The following CAMKMT variants were observed in gnomAD, a reference collection of about 807,000 sequenced individuals.
The protein encoded by CAMKMT is calmodulin-lysine N-methyltransferase, also known as CaM KMT.
In CAMKMT, 53 loss-of-function variants were observed where a neutral mutation model predicts 48.0. The observed-to-expected ratio is 1.10, with a 90% CI of 0.89 to 1.39. The LOEUF (loss-of-function observed/expected upper bound fraction) is 1.39. Among genes scored for constraint, CAMKMT ranks in the 40% most tolerant of loss-of-function variants. The pLI is 0.00. For missense variants in CAMKMT, 428 were observed against 402.7 expected (o/e 1.06, Z -0.54); for synonymous variants, 165 against 152.3 (o/e 1.08, Z -0.61).
intron 4 of CAMKMT, among the ~76,000 whole-genome samples, chr2:44,705,098 T>TA (rs780577049): frequency 2.6e-5 from 4 of 152,202 alleles, no homozygotes; most frequent in Non-Finnish European, 5.9e-5. Context: ...TCATAGCGTG[T>TA]GTTTTAACCG....
chr2:44,498,048 G>A (rs1009633026), intron 3 of CAMKMT, among the ~76,000 whole-genome samples: 8 of 152,134 alleles, frequency 5.3e-5, no homozygotes, highest in African/African-American at 1.9e-4. Flanking sequence ...TAGGATATAA[G>A]CATTTTGTAC....
At chr2:44,583,904 A>T (rs563216117) in intron 3 of CAMKMT, among the ~76,000 whole-genome samples, 2 of 152,222 alleles carry the variant, frequency 1.3e-5, no homozygotes, top group South Asian at 4.1e-4. Flanking sequence ...ACAAATATCC[A>T]TATGTGAGTG....
chr2:44,648,164 A>G (rs865806870), intron 3 of CAMKMT, among the ~76,000 whole-genome samples: 1 of 152,118 alleles, frequency 6.6e-6, no homozygotes, highest in African/African-American at 2.4e-5. Flanking sequence ...TATGTATAGT[A>G]TAATGCCATG....
chr2:44,761,867 T>C (rs1432978839), intron 9 of CAMKMT, among the ~76,000 whole-genome samples: 1 of 152,224 alleles, frequency 6.6e-6, no homozygotes, highest in Non-Finnish European at 1.5e-5. Context: ...TTGAGTTTTA[T>C]TTTGGACAAA....
chr2:44,616,281 T>G (rs983193663), intron 3 of CAMKMT, among the ~76,000 whole-genome samples: 3 of 152,200 alleles, frequency 2.0e-5, no homozygotes, highest in Non-Finnish European at 4.4e-5. Context: ...CATTCCCTGT[T>G]GCAATGTATT....
At chr2:44,761,689 G>A (rs766293846) in intron 9 of CAMKMT, among the ~76,000 whole-genome samples, 1 of 152,148 alleles carries the variant, frequency 6.6e-6, no homozygotes, top group Non-Finnish European at 1.5e-5. Context: ...AGGTCTTGAA[G>A]GGCAATGCCA....
chr2:44,550,511 T>C (rs1572775168), intron 3 of CAMKMT: 1 of 152,220 alleles, frequency 6.6e-6, no homozygotes, highest in East Asian at 1.9e-4. Flanking sequence ...ATTAAATCAA[T>C]TTAATTTCTA....
chr2:44,570,392 A>G (rs1279226440), intron 3 of CAMKMT, among the ~76,000 whole-genome samples: 1 of 152,270 alleles, frequency 6.6e-6, no homozygotes, highest in South Asian at 2.1e-4. Context: ...TGACTGAACT[A>G]TGATGAAATC....
chr2:44,475,058 A>T (rs1404867270), intron 3 of CAMKMT, among the ~76,000 whole-genome samples: 1 of 152,244 alleles, frequency 6.6e-6, no homozygotes, highest in Non-Finnish European at 1.5e-5. Flanking sequence ...AAAATGATAC[A>T]GTTGAAAAGA....
chr2:44,760,020 C>G (rs1680552328), intron 9 of CAMKMT, among the ~76,000 whole-genome samples: 1 of 152,168 alleles, frequency 6.6e-6, no homozygotes, highest in Admixed American at 6.5e-5. Flanking sequence ...CTGCTTGGCA[C>G]TGACGCCATT....
At chr2:44,581,580 A>G (rs1210251968) in intron 3 of CAMKMT, among the ~76,000 whole-genome samples, 1 of 152,258 alleles carries the variant, frequency 6.6e-6, no homozygotes, top group East Asian at 1.9e-4. Flanking sequence ...TTTTGAGACT[A>G]TTTGAGCTAT....
chr2:44,397,224 G>C (rs1440694452), intron 3 of CAMKMT, among the ~76,000 whole-genome samples: 2 of 152,136 alleles, frequency 1.3e-5, no homozygotes, highest in African/African-American at 4.8e-5. Context: ...GGTTGGGAAA[G>C]TACAAAGAGG....
chr2:44,494,349 A>G (rs1037132508), intron 3 of CAMKMT, among the ~76,000 whole-genome samples: 1 of 152,154 alleles, frequency 6.6e-6, no homozygotes, highest in Non-Finnish European at 1.5e-5. Context: ...TGTGAGTGGT[A>G]TTTTAATATA....
Position 44,715,277 on chromosome 2 carries a change from T to C in CAMKMT, c.557-10T>C, listed in dbSNP as rs773381115. 6.2e-7 allele frequency: 1 copy of C among 1,608,236 alleles called. No homozygotes were observed. Among genetic ancestry groups the C allele is most frequent in the Non-Finnish European group, 8.5e-7 (1 of 1,175,644 alleles). ...ATCAGTGCAGATGTTTTCTTAACTG[T>C]GTCCTGTAGATGTGCAAGACATCAT... On this transcript the variant is annotated splice_polypyrimidine_tract_variant and intron_variant, in intron 6 of 10. Transcript: ENST00000378494.
chr2:44,666,170 G>A (rs1674954386), intron 3 of CAMKMT, among the ~76,000 whole-genome samples: 1 of 152,122 alleles, frequency 6.6e-6, no homozygotes, highest in South Asian at 2.1e-4. Flanking sequence ...CTTAAGCATA[G>A]ATAAGGAAAA....
chr2:44,439,070 A>G (rs1178463872), intron 3 of CAMKMT, among the ~76,000 whole-genome samples: 1 of 152,228 alleles, frequency 6.6e-6, no homozygotes, highest in African/African-American at 2.4e-5. Context: ...GGACAGGTAC[A>G]GAAGAAACAG....
At position 44,574,375 on chromosome 2, in the gene CAMKMT, C is replaced by T. The variant is rs538980723; in HGVS notation, c.377-129908C>T. Reference sequence around the variant, plus strand: ...TGGGCTCTGGGTTATAGCTGCGGCCCCTAATTATCTGATATCTAGCCCTAG... The same window carrying T: ...TGGGCTCTGGGTTATAGCTGCGGCCTCTAATTATCTGATATCTAGCCCTAG... On this transcript the variant is annotated intron_variant, in intron 3 of 10. Transcript: ENST00000378494. 1.5e-4 allele frequency among the ~76,000 whole-genome samples: 23 copies of T among 152,100 alleles called. No individual in the cohort carries two copies. The South Asian group carries it at 4.6e-3, about 30-fold the overall frequency.
Position 44,653,924 on chromosome 2 carries a change from G to A in CAMKMT, c.377-50359G>A, listed in dbSNP as rs1344082743. On this transcript the variant is annotated intron_variant, in intron 3 of 10. Transcript: ENST00000378494. The surrounding 1 kb of genome is among the most constrained non-coding windows in gnomAD (Gnocchi z 5.2). ...GCCTAAAGACTAGGAGTATTTTTCA[G>A]TTCCAGTATAATCAAACCCATTTAT... Among the ~76,000 whole-genome samples the A allele has an allele frequency of 2.6e-5, 4 of 152,140 alleles. No individual in the cohort carries two copies. Among genetic ancestry groups the A allele is most frequent in the African/African-American group, 9.7e-5 (4 of 41,410 alleles).
chr2:44,596,662 T>C (rs1203054345), intron 3 of CAMKMT, among the ~76,000 whole-genome samples: 16 of 152,196 alleles, frequency 1.1e-4, no homozygotes. Context: ...GGCAGTGGCA[T>C]CTCTCAAGAG....
Sources: allele counts gnomAD v4.1 joint callset (sites outside exome capture counted in the v4.1 genomes callset), GRCh38; gene constraint gnomAD v4.1.1; non-coding constraint Gnocchi (gnomAD v3.1); transcripts MANE v1.5; gene names NCBI Gene and HGNC (gene_info 2026-07-23, HGNC 2026-07-21).